The following MAP4 variants were observed in gnomAD, a reference collection of about 807,000 sequenced individuals.
MAP4 encodes the protein microtubule associated protein 4.
Under a neutral mutation model 170.2 loss-of-function variants are expected in MAP4, and 76 were observed. That is an observed-to-expected ratio of 0.45 (90% CI 0.37 to 0.54). The LOEUF (loss-of-function observed/expected upper bound fraction) is 0.54, where lower values mean the gene tolerates loss of function less well. Ranked by LOEUF, MAP4 falls within the 20% of genes least tolerant of loss-of-function variation. MAP4 has a pLI of 0.00. For missense variants in MAP4, 2,506 were observed against 2,748.0 expected (o/e 0.91, Z 1.97); for synonymous variants, 909 against 994.5 (o/e 0.91, Z 1.62).
At chr3:48,028,477 A>T (rs535530134) in intron 1 of MAP4, among the ~76,000 whole-genome samples, 5 of 152,148 alleles carry the variant, frequency 3.3e-5, no homozygotes, top group African/African-American at 1.2e-4. Context: ...AATGGAAAAC[A>T]AAAGTACCAC....
At chr3:47,987,491 A>G (rs2100089469) in intron 2 of MAP4, 2 of 1,164,752 alleles carry the variant, frequency 1.7e-6, no homozygotes, top group African/African-American at 1.5e-5. Context: ...ATCTAAATCC[A>G]ATCTTAAAGG....
At position 47,911,617 on chromosome 3, in the gene MAP4, T is replaced by C; in HGVS notation, c.2804A>G (p.Asn935Ser). The C allele has an allele frequency of 6.5e-7, 1 of 1,536,082 alleles. No homozygotes were observed. Among genetic ancestry groups the C allele is most frequent in the East Asian group, 2.4e-5 (1 of 40,920 alleles). ...KGPLAEVSAYNVETPLDIRLK... is the reference protein window; with the variant it reads ...KGPLAEVSAYSVETPLDIRLK... ...TCTGATATCCAAAGGGGTTTCTACA[T>C]TGTATGCAGAAACTTCTGCTAGGGG... The change falls in exon 9 of 21, where the codon AAT becomes AGT. Residue 935 changes from asparagine to serine, a missense_variant. Physicochemically the swap from Asn to Ser is conservative, Grantham distance 46. Transcript: ENST00000683076. This position sits in a 1 kb window ranked among gnomAD's most constrained non-coding sequence, Gnocchi z 4.0.
chr3:48,045,548 C>A (rs1479754909), intron 1 of MAP4, among the ~76,000 whole-genome samples: 1 of 152,066 alleles, frequency 6.6e-6, no homozygotes, highest in Non-Finnish European at 1.5e-5. Flanking sequence ...CCGAAAACAT[C>A]CCCTCCCCCA....
chr3:47,923,556 C>T (rs2100044155), intron 4 of MAP4, among the ~76,000 whole-genome samples: 1 of 129,720 alleles, frequency 7.7e-6, no homozygotes, highest in Non-Finnish European at 1.7e-5. Context: ...AGTCACTGCA[C>T]TCCTGTCTGG....
At chr3:47,973,509 T>C (rs2100080034) in intron 3 of MAP4, 1 of 985,318 alleles carries the variant, frequency 1.0e-6, no homozygotes, top group East Asian at 1.1e-4. Flanking sequence ...ATATACCAAA[T>C]TTTAGCTGGC....
intron 2 of MAP4, among the ~76,000 whole-genome samples, chr3:47,982,901 C>G (rs997703548): frequency 6.6e-6 from 1 of 151,756 alleles, no homozygotes; most frequent in East Asian, 1.9e-4. Flanking sequence ...AGGGAGTTTT[C>G]TTTGTTTTTT....
rs1180031228 is a variant in MAP4 at position 47,909,106 on chromosome 3, C to T, written c.5315G>A (p.Gly1772Glu). ...KGYMRPTKSR[G>E]LTPLLPKSTI... is the part of the protein sequence containing the mutation. ...AGACTTTGGCAAAAGTGGAGTAAGT[C>T]CTCGGGACTTGGTGGGTCTCATGTA... is the stretch of plus-strand genomic sequence containing the variant. The change falls in exon 9 of 21, where the codon GGA becomes GAA. Residue 1772 changes from glycine (G) to glutamate (E), a missense_variant. Gly to Glu is a moderately conservative substitution (Grantham distance 98, BLOSUM62 -2). Transcript: ENST00000683076. The T allele has an allele frequency of 1.9e-5, 31 of 1,613,822 alleles. No homozygotes were observed. Among genetic ancestry groups the T allele is most frequent in the Non-Finnish European group, 2.5e-5 (30 of 1,179,888 alleles).
At chr3:48,015,121 T>C (rs754562913) in intron 1 of MAP4, among the ~76,000 whole-genome samples, 1 of 152,106 alleles carries the variant, frequency 6.6e-6, no homozygotes, top group Non-Finnish European at 1.5e-5. Flanking sequence ...CAGAAAGAAA[T>C]AAACTTTCTT....
intron 3 of MAP4, among the ~76,000 whole-genome samples, chr3:47,933,153 T>G (rs2153874291): frequency 6.6e-6 from 1 of 152,290 alleles, no homozygotes; most frequent in African/African-American, 2.4e-5. Context: ...ATATATTGTA[T>G]GATTCCATTT....
In MAP4 at chr3:47,912,111, T is replaced by C; in HGVS notation, c.2310A>G (p.Lys770=). 1 of 1,536,174 alleles carries C rather than the reference T, an allele frequency of 6.5e-7. No homozygotes were observed. The highest frequency in any genetic ancestry group is 8.7e-7 in the Non-Finnish European group (1 of 1,146,904). The change falls in exon 9 of 21, where the codon AAA becomes AAG. Residue 770 remains lysine, a synonymous_variant. Coordinates refer to ENST00000683076, the MANE Select transcript of MAP4 (RefSeq NM_001385682.1). ...TCTTTTGCTTTGGTTTCTTCTTCTT[T>C]TTCTTCATCATTATTGGTGTGCTTT... is the stretch of plus-strand genomic sequence containing the variant. ...DIESTPIMMK[K]KKKKPKQKRY...
intron 10 of MAP4, among the ~76,000 whole-genome samples, chr3:47,883,771 A>C (rs950463149): frequency 6.6e-6 from 1 of 152,076 alleles, no homozygotes; most frequent in East Asian, 1.9e-4. Context: ...TGGCACTTGA[A>C]AAATGTTGTG....
At chr3:48,044,570 C>T (rs1399350775) in intron 1 of MAP4, among the ~76,000 whole-genome samples, 1 of 151,928 alleles carries the variant, frequency 6.6e-6, no homozygotes, top group South Asian at 2.1e-4. Flanking sequence ...CGAGACCACC[C>T]TGGCCAACAT....
intron 1 of MAP4, among the ~76,000 whole-genome samples, chr3:48,060,183 C>T (rs926906757): frequency 1.3e-5 from 2 of 152,120 alleles, no homozygotes; most frequent in Non-Finnish European, 2.9e-5. Context: ...TCATATGTCA[C>T]TGACATATTT....
Position 48,042,435 on chromosome 3 carries a change from TTAATAA to T in MAP4, c.-19-43562_-19-43557del, listed in dbSNP as rs1193880101. 6.6e-5 allele frequency among the ~76,000 whole-genome samples: 10 copies of T among 152,298 alleles called. 1 individual carries two copies. In the Middle Eastern group the frequency reaches 0.01, roughly 155 times the overall value. ...CTAAAATACCAAAAACTCTGGCAAC[TTAATAA>T]TAAAAAGGCAAATTAATTTAAAAAT... is the stretch of plus-strand genomic sequence containing the variant. On this transcript the variant is annotated intron_variant, in intron 1 of 18. Transcript: ENST00000360240.
chr3:47,887,987 G>C (rs2097895234), intron 10 of MAP4, among the ~76,000 whole-genome samples: 1 of 147,776 alleles, frequency 6.8e-6, no homozygotes, highest in African/African-American at 2.5e-5. Flanking sequence ...TCTGCATCTA[G>C]CTCAAGGTTT....
intron 3 of MAP4, among the ~76,000 whole-genome samples, chr3:47,941,005 G>C (rs2100055943): frequency 6.6e-6 from 1 of 151,916 alleles, no homozygotes; most frequent in Non-Finnish European, 1.5e-5. Context: ...AGCCTCCCAG[G>C]TAGCTGGGAT....
Position 48,074,726 on chromosome 3 carries a change from G to GTGAT in MAP4, c.-20+14046_-20+14047insATCA, listed in dbSNP as rs1003251844. Reference sequence around the variant, plus strand: ...TGTGTGTGTGTGTGTGTGTGTGTGTGATATGTCGGCCAGACTGGTCTCGAA... The same window carrying GTGAT: ...TGTGTGTGTGTGTGTGTGTGTGTGTGTGATATATGTCGGCCAGACTGGTCTCGAA... On this transcript the variant is annotated intron_variant, in intron 1 of 18. Coordinates refer to the MAP4 transcript ENST00000360240. 1.2e-4 allele frequency among the ~76,000 whole-genome samples: 17 copies of GTGAT among 147,660 alleles called. 1 individual carries two copies. Among genetic ancestry groups the GTGAT allele is most frequent in the South Asian group, 6.5e-4 (3 of 4,600 alleles).
At chr3:48,036,228 G>C (rs1046386405) in intron 1 of MAP4, among the ~76,000 whole-genome samples, 61 of 152,080 alleles carry the variant, frequency 4.0e-4, no homozygotes, top group African/African-American at 1.4e-3. Context: ...AAAAGTCAAA[G>C]GCTATGATAA....
chr3:47,936,670 G>C (rs180777142), intron 3 of MAP4, among the ~76,000 whole-genome samples: 6 of 152,134 alleles, frequency 3.9e-5, no homozygotes, highest in Admixed American at 3.9e-4. Context: ...GCTAAAGAAG[G>C]AAAACAGAAC....
Sources: gnomAD v4.1 joint callset for allele counts (sites outside exome capture counted in the v4.1 genomes callset) on GRCh38, gnomAD v4.1.1 for gene constraint, Gnocchi (gnomAD v3.1) non-coding constraint, MANE v1.5 for transcripts, NCBI Gene and HGNC (gene_info 2026-07-23, HGNC 2026-07-21) for gene names.